Variants in DLG2 observed in about 807,000 individuals in gnomAD.
The protein encoded by DLG2 is discs large MAGUK scaffold protein 2, also known as disks large homolog 2.
In DLG2, 45 loss-of-function variants were observed where a neutral mutation model predicts 132.5. The ratio of observed to expected loss-of-function variants is 0.34; its 90% CI spans 0.27 to 0.44. DLG2 has a LOEUF of 0.44. Ranked by LOEUF, DLG2 falls within the 20% of genes least tolerant of loss-of-function variation. DLG2 has a pLI of 1.00. For synonymous variants in DLG2, 424 were observed against 419.6 expected, an observed-to-expected ratio of 1.01 and a Z score of -0.13; for missense variants, 1,045 against 1,196.9, an observed-to-expected ratio of 0.87 and a Z score of 1.87.
At chr11:83,734,023 T>C (rs534995938) in intron 18 of DLG2, among the ~76,000 whole-genome samples, 2 of 151,882 alleles carry the variant, frequency 1.3e-5, no homozygotes, top group South Asian at 4.2e-4. Context: ...CATGTGGTAG[T>C]TGACTTTCTA....
intron 4 of DLG2, among the ~76,000 whole-genome samples, chr11:85,250,453 G>T (rs1247905014): frequency 6.6e-6 from 1 of 152,078 alleles, no homozygotes; most frequent in Admixed American, 6.6e-5. Flanking sequence ...TTTAATAAAA[G>T]AAGTTAATCC....
chr11:83,504,568 T>C (rs951574123), intron 21 of DLG2, among the ~76,000 whole-genome samples: 1 of 152,138 alleles, frequency 6.6e-6, no homozygotes, highest in Non-Finnish European at 1.5e-5. Context: ...CAATCTTAAC[T>C]TCCCATTTAA....
chr11:85,249,777 A>T (rs1200675922), intron 4 of DLG2, among the ~76,000 whole-genome samples: 1 of 152,152 alleles, frequency 6.6e-6, no homozygotes, highest in Non-Finnish European at 1.5e-5. Flanking sequence ...GTGGGCCAGG[A>T]ATCAGAGCAA....
chr11:85,430,620 T>C (rs2091109313), intron 3 of DLG2, among the ~76,000 whole-genome samples: 1 of 152,122 alleles, frequency 6.6e-6, no homozygotes, highest in African/African-American at 2.4e-5. Flanking sequence ...TCCATAGAGC[T>C]CCCAAAATAT....
chr11:85,017,136 T>A (rs910786366), intron 6 of DLG2, among the ~76,000 whole-genome samples: 3 of 152,172 alleles, frequency 2.0e-5, no homozygotes, highest in Non-Finnish European at 2.9e-5. Context: ...ACTGGAAAAG[T>A]GTCCTGATCT....
intron 3 of DLG2, among the ~76,000 whole-genome samples, chr11:85,354,024 C>T (rs1204134993): frequency 6.7e-6 from 1 of 149,026 alleles, no homozygotes; most frequent in Non-Finnish European, 1.5e-5. Context: ...AAAAAAAAAA[C>T]TAAATCATAA....
rs969134878 is a variant in DLG2 at position 83,723,593 on chromosome 11, G to T, written c.1825+63097C>A. On this transcript the variant is annotated intron_variant, in intron 18 of 27. Transcript: ENST00000376104. ...TGGGGGGCCAGAAATAGTGGCTCAC[G>T]CCTGTAATCTCAGCACTTTGGGAGG... Among the ~76,000 whole-genome samples, 3 of 151,826 alleles carry T rather than the reference G, an allele frequency of 2.0e-5. No individual in the cohort carries two copies. The South Asian group carries it at 6.3e-4, about 32-fold the overall frequency.
chr11:84,461,645 C>A (rs2099080434), intron 7 of DLG2, among the ~76,000 whole-genome samples: 1 of 150,772 alleles, frequency 6.6e-6, no homozygotes, highest in Non-Finnish European at 1.5e-5. Flanking sequence ...GATAAATGTT[C>A]AAGATAGGCT....
At chr11:85,386,805 A>G (rs2086369055) in intron 3 of DLG2, among the ~76,000 whole-genome samples, 1 of 151,772 alleles carries the variant, frequency 6.6e-6, no homozygotes, top group African/African-American at 2.4e-5. Flanking sequence ...GGGAGAAAGG[A>G]AGTAAAACAG....
chr11:84,177,401 T>C (rs1272563080), intron 8 of DLG2, among the ~76,000 whole-genome samples: 1 of 152,184 alleles, frequency 6.6e-6, no homozygotes, highest in Non-Finnish European at 1.5e-5. Context: ...ACAGACTACT[T>C]CTGTAGATTC....
chr11:84,606,529 T>C (rs2099585985), intron 6 of DLG2, among the ~76,000 whole-genome samples: 1 of 152,148 alleles, frequency 6.6e-6, no homozygotes, highest in Non-Finnish European at 1.5e-5. Context: ...TTTATTTCCA[T>C]CTTTCTTTAA....
chr11:84,871,289 C>G (rs2085420109), intron 6 of DLG2, among the ~76,000 whole-genome samples: 1 of 152,220 alleles, frequency 6.6e-6, no homozygotes, highest in Non-Finnish European at 1.5e-5. Flanking sequence ...TAAAGAACCA[C>G]AAGTGATTCT....
chr11:84,357,688 G>A (rs2098624862), intron 7 of DLG2, among the ~76,000 whole-genome samples: 1 of 151,890 alleles, frequency 6.6e-6, no homozygotes, highest in African/African-American at 2.4e-5. Context: ...ATTTCACACA[G>A]TAACAACAAA....
At chr11:85,071,468 G>C (rs1389363847) in intron 6 of DLG2, among the ~76,000 whole-genome samples, 1 of 151,808 alleles carries the variant, frequency 6.6e-6, no homozygotes, top group Non-Finnish European at 1.5e-5. Context: ...AATAACATAA[G>C]TGAATGTTGA....
intron 8 of DLG2, among the ~76,000 whole-genome samples, chr11:84,172,367 C>T (rs1325614492): frequency 6.6e-6 from 1 of 152,030 alleles, no homozygotes. Flanking sequence ...ATCACTATTC[C>T]TATTATTCAC....
chr11:85,371,649 G>A (rs1379387977), intron 3 of DLG2, among the ~76,000 whole-genome samples: 1 of 152,172 alleles, frequency 6.6e-6, no homozygotes, highest in African/African-American at 2.4e-5. Flanking sequence ...TGTCTATGCT[G>A]TCCCTGTGCA....
intron 6 of DLG2, among the ~76,000 whole-genome samples, chr11:84,970,215 C>A (rs374388495): frequency 5.3e-5 from 8 of 151,806 alleles, no homozygotes; most frequent in Admixed American, 2.0e-4. Context: ...TCCCTCTGAC[C>A]AATACTAAGC....
chr11:83,544,714 C>T (rs2096190924), intron 19 of DLG2, among the ~76,000 whole-genome samples: 1 of 152,072 alleles, frequency 6.6e-6, no homozygotes, highest in Non-Finnish European at 1.5e-5. Context: ...GTCACAGCAA[C>T]CCTAAAGGTA....
At chr11:84,380,005 A>C (rs1014055821) in intron 7 of DLG2, among the ~76,000 whole-genome samples, 2 of 152,092 alleles carry the variant, frequency 1.3e-5, no homozygotes, top group African/African-American at 4.8e-5. Flanking sequence ...GTAAGATGGA[A>C]TCTATAAGAG....
Sources: allele counts gnomAD v4.1 joint callset (sites outside exome capture counted in the v4.1 genomes callset), GRCh38; gene constraint gnomAD v4.1.1; transcripts MANE v1.5; gene names NCBI Gene and HGNC (gene_info 2026-07-23, HGNC 2026-07-21).